The following LIFR variants were observed in gnomAD, a reference collection of about 807,000 sequenced individuals.
The protein encoded by LIFR is leukemia inhibitory factor receptor.
A neutral mutation model predicts 122.2 loss-of-function variants in LIFR; 84 were observed. That is an observed-to-expected ratio of 0.69 (90% CI 0.58 to 0.82). LIFR has a LOEUF of 0.82. LIFR is among the 40% of genes least tolerant of loss of function. LIFR has a pLI of 0.00. For missense variants in LIFR, 1,294 were observed against 1,311.6 expected (o/e 0.99, Z 0.21); for synonymous variants, 422 against 434.7 (o/e 0.97, Z 0.36).
chr5:38,543,756 T>C (rs1200858478), intron 1 of LIFR, among the ~76,000 whole-genome samples: 1 of 152,184 alleles, frequency 6.6e-6, no homozygotes, highest in East Asian at 1.9e-4. Context: ...TCTTAATAAT[T>C]TCTCAATCAT....
chr5:38,607,266 A>T (rs187978267), intron 1 of LIFR, among the ~76,000 whole-genome samples: 28 of 152,308 alleles, frequency 1.8e-4, no homozygotes, highest in Non-Finnish European at 3.7e-4. Flanking sequence ...CACAGCCTGT[A>T]TGTATAACCA....
chr5:38,592,713 A>AT (rs1217591996), intron 1 of LIFR, among the ~76,000 whole-genome samples: 29 of 150,916 alleles, frequency 1.9e-4, no homozygotes, highest in African/African-American at 4.6e-4. Flanking sequence ...CATTTTTTCT[A>AT]TTTTTTTAGA....
At chr5:38,550,285 A>T in intron 1 of LIFR, 1 of 931,492 alleles carries the variant, frequency 1.1e-6, no homozygotes, top group Non-Finnish European at 1.3e-6. Flanking sequence ...TGAGCTATTG[A>T]TAAAGCACAA....
chr5:38,481,543 CTAGCAG>C lies in LIFR; in HGVS notation c.*46_*51del, dbSNP rs1437697948. ...AATGCCCAGTGCTGATGTAGCAACA[CTAGCAG>C]TAAGAGCTTATTGAGATGGCTGACT... is the stretch of plus-strand genomic sequence containing the variant. On this transcript the variant is annotated 3_prime_UTR_variant, in exon 20 of 20. Coordinates refer to ENST00000453190, the MANE Select transcript of LIFR (RefSeq NM_001127671.2). 2.5e-6 allele frequency: 4 copies of C among 1,579,492 alleles called. No homozygotes were observed. In the African/African-American group the frequency reaches 5.4e-5, roughly 21 times the overall value.
At chr5:38,548,009 CATCT>C (rs1389950614) in intron 1 of LIFR, among the ~76,000 whole-genome samples, 1 of 152,096 alleles carries the variant, frequency 6.6e-6, no homozygotes, top group African/African-American at 2.4e-5. Context: ...CTGACCTAAA[CATCT>C]TTCTATGGTA....
intron 14 of LIFR, 82 bp from the exon 15 acceptor site, chr5:38,490,373 C>G: frequency 3.4e-6 from 2 of 585,652 alleles, no homozygotes; most frequent in Non-Finnish European, 3.0e-6. Flanking sequence ...TCATAACATA[C>G]TCTAAAATTT....
At position 38,523,512 on chromosome 5, in the gene LIFR, C is replaced by T. The variant is rs1378278531; in HGVS notation, c.468G>A (p.Lys156=). The T allele has an allele frequency of 1.2e-6, 2 of 1,613,258 alleles. No homozygotes were observed. Among genetic ancestry groups the T allele is most frequent in the South Asian group, 2.2e-5 (2 of 91,048 alleles). The change falls in exon 5 of 20, where the codon AAG becomes AAA. Residue 156 remains lysine (K), a synonymous_variant. Transcript: ENST00000453190. ...GAAAAACTGAACCCCTGTCGTTCCA[C>T]TTTAGGTATAATGTAGAGGTTGAGA... ...ADFSTSTLYL[K]WNDRGSVFPH...
At chr5:38,491,756 C>T (rs1308636321) in intron 14 of LIFR, among the ~76,000 whole-genome samples, 3 of 152,174 alleles carry the variant, frequency 2.0e-5, no homozygotes, top group Non-Finnish European at 4.4e-5. Context: ...AATCACTTTC[C>T]TTAAACGTTT....
intron 1 of LIFR, among the ~76,000 whole-genome samples, chr5:38,582,047 C>T (rs992297827): frequency 6.8e-6 from 1 of 146,342 alleles, no homozygotes; most frequent in African/African-American, 2.5e-5. Flanking sequence ...ATGACCACTT[C>T]TTTTTTTTTC....
In LIFR at chr5:38,481,384, GT is replaced by G; in HGVS notation, c.*210del. ...GATCACAAAGAGCTCCCAATCTTGA[GT>G]TTTGTGGATTGAGGATTCTGAGTCA... On this transcript the variant is annotated 3_prime_UTR_variant, in exon 20 of 20. Transcript: ENST00000453190. The G allele has an allele frequency of 1.7e-6, 1 of 601,720 alleles. No homozygotes were observed. The highest frequency in any genetic ancestry group is 2.9e-6 in the Non-Finnish European group (1 of 341,042). The allele number at this position is 601,720 out of a possible 1,614,324, so 37.3% of individuals were successfully genotyped here. A position where few individuals can be genotyped will look rare whatever the true frequency, so the allele number is the denominator to read the frequency against.
intron 1 of LIFR, among the ~76,000 whole-genome samples, chr5:38,532,990 A>G (rs1747098524): frequency 6.6e-6 from 1 of 152,250 alleles, no homozygotes; most frequent in Admixed American, 6.5e-5. Flanking sequence ...CAAAGCAAGT[A>G]ACAAACGTGT....
chr5:38,564,759 C>T (rs1187157515), intron 1 of LIFR, among the ~76,000 whole-genome samples: 3 of 151,028 alleles, frequency 2.0e-5, no homozygotes, highest in Admixed American at 6.6e-5. Context: ...CACACACACA[C>T]ACACACACAC....
upstream of LIFR, among the ~76,000 whole-genome samples, chr5:38,596,766 T>C (rs892109581): frequency 7.9e-5 from 12 of 152,214 alleles, no homozygotes; most frequent in African/African-American, 2.9e-4. Context: ...TAATCTTGTA[T>C]ATTGTTCTGG....
At chr5:38,543,917 A>G (rs1025525642) in intron 1 of LIFR, among the ~76,000 whole-genome samples, 2 of 152,032 alleles carry the variant, frequency 1.3e-5, no homozygotes, top group African/African-American at 4.8e-5. Context: ...TATGTCCAAA[A>G]CTGATTGATT....
At chr5:38,593,618 A>C (rs1009896544) in intron 1 of LIFR, among the ~76,000 whole-genome samples, 48 of 152,150 alleles carry the variant, frequency 3.2e-4, no homozygotes, top group African/African-American at 1.2e-3. Flanking sequence ...ACATAAGGTA[A>C]TTGCAACAGA....
In LIFR at chr5:38,574,802, G is replaced by A. The variant is rs73071101; in HGVS notation, c.-20+20459C>T. Among the ~76,000 whole-genome samples the A allele has an allele frequency of 4.1e-3, 626 of 152,188 alleles. 3 individuals carry two copies. The highest frequency in any genetic ancestry group is 0.014 in the African/African-American group (589 of 41,522). ...CGGTCACAGTCTTTTCCTAAGCTCTGGACTTTTGCTTTCATTCTTGAGCCT... is the reference window on the plus strand; with the variant it reads ...CGGTCACAGTCTTTTCCTAAGCTCTAGACTTTTGCTTTCATTCTTGAGCCT... On this transcript the variant is annotated intron_variant, in intron 1 of 19. Coordinates refer to the LIFR transcript ENST00000263409.
At chr5:38,520,094 A>G (rs372073363) in intron 5 of LIFR, among the ~76,000 whole-genome samples, 1 of 152,182 alleles carries the variant, frequency 6.6e-6, no homozygotes, top group African/African-American at 2.4e-5. Flanking sequence ...GTCGCATTGT[A>G]TAAGAGCTTC....
intron 9 of LIFR, among the ~76,000 whole-genome samples, chr5:38,504,838 C>A (rs941824728): frequency 2.6e-5 from 4 of 152,160 alleles, no homozygotes; most frequent in Admixed American, 2.6e-4. Flanking sequence ...CAGGAAAGAA[C>A]AACTGATAAA....
chr5:38,566,383 T>C (rs547108329), intron 1 of LIFR, among the ~76,000 whole-genome samples: 148 of 152,352 alleles, frequency 9.7e-4, no homozygotes, highest in African/African-American at 3.3e-3. Flanking sequence ...AGGCATTTTC[T>C]ATTTGCCATT....
Sources: gnomAD v4.1 joint callset for allele counts (sites outside exome capture counted in the v4.1 genomes callset) on GRCh38, gnomAD v4.1.1 for gene constraint, MANE v1.5 for transcripts, NCBI Gene and HGNC (gene_info 2026-07-23, HGNC 2026-07-21) for gene names.